PPIG: variants seen among roughly 807,000 people sequenced by gnomAD.
PPIG encodes the protein peptidyl-prolyl cis-trans isomerase G.
A neutral mutation model predicts 87.9 loss-of-function variants in PPIG; 26 were observed. That is an observed-to-expected ratio of 0.30 (90% CI 0.22 to 0.41). The LOEUF is 0.41. Among genes scored for constraint, PPIG ranks in the 10% least tolerant of loss-of-function variants. The pLI, the probability that PPIG is intolerant of heterozygous loss-of-function variation, is 1.00. For missense variants in PPIG, 722 were observed against 879.4 expected (o/e 0.82, Z 2.26); for synonymous variants, 308 against 276.5 (o/e 1.11, Z -1.13).
intron 7 of PPIG, among the ~76,000 whole-genome samples, chr2:169,611,923 A>G (rs192677174): frequency 6.6e-6 from 1 of 152,286 alleles, no homozygotes; most frequent in Admixed American, 6.5e-5. Context: ...CATATAGAAG[A>G]TTTGCCATTT....
In PPIG at chr2:169,640,308, G is replaced by A. The variant is rs1320204617; in HGVS notation, c.*2785G>A. The A allele has an allele frequency of 6.6e-6, 1 of 152,174 alleles. No individual in the cohort carries two copies. The highest frequency in any genetic ancestry group is 1.5e-5 in the Non-Finnish European group (1 of 68,030). 9.4% of individuals were successfully genotyped at this position (152,174 alleles called of 1,614,324 possible). On this transcript the variant is annotated 3_prime_UTR_variant, in exon 14 of 14. Coordinates refer to ENST00000260970, the MANE Select transcript of PPIG (RefSeq NM_004792.3). ...TGACCTTTGATATTTGTGCCTAGTG[G>A]AAGGTATGGAGCTAAACAATTAAAG...
chr2:169,584,720 G>T, intron 1 of PPIG: 1 of 317,566 alleles, frequency 3.1e-6, no homozygotes, highest in Non-Finnish European at 6.0e-6. Context: ...TCGAGCCCCG[G>T]GGCCTGGGGA....
At chr2:169,633,069 C>T (rs1558902118) in intron 11 of PPIG, 91 bp from the exon 12 acceptor site, 1 of 989,578 alleles carries the variant, frequency 1.0e-6, no homozygotes, top group South Asian at 1.3e-5. Context: ...AGCCACCGCA[C>T]CCGGCCCAGA....
chr2:169,610,206 C>T (rs1685448891), intron 7 of PPIG, among the ~76,000 whole-genome samples: 5 of 152,150 alleles, frequency 3.3e-5, no homozygotes, highest in African/African-American at 1.2e-4. Context: ...AAATCTGGCG[C>T]CTGATTATCT....
chr2:169,596,892 G>A (rs1407996859), intron 1 of PPIG, among the ~76,000 whole-genome samples: 1 of 152,132 alleles, frequency 6.6e-6, no homozygotes, highest in Non-Finnish European at 1.5e-5. Flanking sequence ...AGTAGAGACA[G>A]GATTTCACCA....
chr2:169,590,077 C>T (rs901598754), intron 1 of PPIG, among the ~76,000 whole-genome samples: 3 of 150,066 alleles, frequency 2.0e-5, no homozygotes, highest in Non-Finnish European at 3.0e-5. Flanking sequence ...CCATTGCACT[C>T]CAGCCTGGGC....
At chr2:169,633,312 G>T (rs1392107902) in intron 12 of PPIG, 65 bp downstream of exon 12, 2 of 1,261,738 alleles carry the variant, frequency 1.6e-6, no homozygotes, top group Non-Finnish European at 1.1e-6. Context: ...TAATTTTAGG[G>T]TGTTTCTTAA....
intron 9 of PPIG, among the ~76,000 whole-genome samples, chr2:169,628,845 C>G (rs1011988772): frequency 6.7e-6 from 1 of 149,648 alleles, no homozygotes; most frequent in Admixed American, 6.8e-5. Context: ...ACTCAGGAGG[C>G]CGAGACAGAA....
intron 9 of PPIG, among the ~76,000 whole-genome samples, chr2:169,623,616 G>A (rs1456913567): frequency 6.6e-6 from 1 of 152,184 alleles, no homozygotes; most frequent in African/African-American, 2.4e-5. Context: ...GTACTCAGGA[G>A]ACAAGTGAAG....
chr2:169,592,792 G>A (rs905261595), intron 1 of PPIG, among the ~76,000 whole-genome samples: 2 of 152,054 alleles, frequency 1.3e-5, no homozygotes, highest in Admixed American at 1.3e-4. Flanking sequence ...AGGATATACT[G>A]TTTCTGATTA....
chr2:169,586,243 G>A (rs1341350341), intron 1 of PPIG, among the ~76,000 whole-genome samples: 2 of 152,078 alleles, frequency 1.3e-5, no homozygotes, highest in African/African-American at 4.8e-5. Flanking sequence ...TGAATTGTTG[G>A]TTTCCTTTTT....
rs143303619 is a variant in PPIG at position 169,627,209 on chromosome 2, G to A, written c.548-3565G>A. Among the ~76,000 whole-genome samples the A allele has an allele frequency of 5.3e-5, 8 of 151,914 alleles. No homozygotes were observed. The South Asian group carries it at 8.3e-4, about 16-fold the overall frequency. On this transcript the variant is annotated intron_variant, in intron 9 of 13. Coordinates refer to ENST00000260970, the MANE Select transcript of PPIG (RefSeq NM_004792.3). ...CACCTTTGGGGTTCAAGCGATTCTCGTACCTCAGCCTCCCTAGTAGCTGGG... is the reference window on the plus strand; with the variant it reads ...CACCTTTGGGGTTCAAGCGATTCTCATACCTCAGCCTCCCTAGTAGCTGGG...
intron 9 of PPIG, among the ~76,000 whole-genome samples, chr2:169,627,996 A>T (rs1685938597): frequency 6.6e-6 from 1 of 151,896 alleles, no homozygotes; most frequent in Non-Finnish European, 1.5e-5. Flanking sequence ...CCCCCTGCAT[A>T]TCCCTCAGGT....
chr2:169,592,303 C>CTTTTTT (rs777690234), intron 1 of PPIG, among the ~76,000 whole-genome samples: 29 of 93,594 alleles, frequency 3.1e-4, no homozygotes, highest in Non-Finnish European at 3.9e-4. Flanking sequence ...TGTCTTTTTT[C>CTTTTTT]TTTTTTTTTT....
At chr2:169,618,918 A>G (rs958107174) in intron 9 of PPIG, among the ~76,000 whole-genome samples, 9 of 150,264 alleles carry the variant, frequency 6.0e-5, no homozygotes, top group Non-Finnish European at 1.0e-4. Flanking sequence ...AGCTTCTGCT[A>G]GCTTTTGAAA....
intron 1 of PPIG, among the ~76,000 whole-genome samples, chr2:169,598,451 C>T (rs1046344189): frequency 2.6e-5 from 4 of 152,128 alleles, no homozygotes; most frequent in Non-Finnish European, 4.4e-5. Context: ...CCACCACACC[C>T]GGCTAATTTT....
chr2:169,632,085 C>T, intron 11 of PPIG, 152 bp downstream of exon 11: 1 of 1,075,028 alleles, frequency 9.3e-7, no homozygotes, highest in East Asian at 2.8e-5. Flanking sequence ...TCTTTTTTGC[C>T]AACCACATAA....
Position 169,638,284 on chromosome 2 carries a change from TTTTGG to T in PPIG, c.*766_*770del, listed in dbSNP as rs1280408436. 2.0e-5 allele frequency: 3 copies of T among 151,998 alleles called. No individual in the cohort carries two copies. Among genetic ancestry groups the T allele is most frequent in the Admixed American group, 6.6e-5 (1 of 15,262 alleles). 9.4% of individuals were successfully genotyped at this position (151,998 alleles called of 1,614,324 possible). A position where few individuals can be genotyped will look rare whatever the true frequency, so the allele number is the denominator to read the frequency against. ...ATTGTGATTCTCAGTTCTGTGTTGC[TTTTGG>T]TTTGAAGAGTTTTGGGAACGTTTTA... On this transcript the variant is annotated 3_prime_UTR_variant, in exon 14 of 14. Transcript: ENST00000260970.
chr2:169,600,806 C>T lies in PPIG; in HGVS notation c.-69-2836C>T, dbSNP rs1574441834. 3.9e-5 allele frequency among the ~76,000 whole-genome samples: 6 copies of T among 152,252 alleles called. No individual in the cohort carries two copies. The South Asian group carries it at 1.0e-3, about 26-fold the overall frequency. Reference sequence around the variant, plus strand: ...ATAAAAATCACCTATAACTCATTTACTTAGAGATAGACTCAATATTTTCAT... The same window carrying T: ...ATAAAAATCACCTATAACTCATTTATTTAGAGATAGACTCAATATTTTCAT... On this transcript the variant is annotated intron_variant, in intron 1 of 13. Coordinates refer to ENST00000260970, the MANE Select transcript of PPIG (RefSeq NM_004792.3).
Sources: gnomAD v4.1 joint callset for allele counts (sites outside exome capture counted in the v4.1 genomes callset) on GRCh38, gnomAD v4.1.1 for gene constraint, MANE v1.5 for transcripts, NCBI Gene and HGNC (gene_info 2026-07-23, HGNC 2026-07-21) for gene names.